Variants in NEB observed in about 807,000 individuals in gnomAD.
NEB encodes nemaline myopathy type 2.
A neutral mutation model predicts 952.2 loss-of-function variants in NEB; 512 were observed. The observed-to-expected ratio is 0.54, with a 90% CI of 0.50 to 0.58. The LOEUF (loss-of-function observed/expected upper bound fraction) is 0.58, where lower values mean the gene tolerates loss of function less well. Among genes scored for constraint, NEB ranks in the 20% least tolerant of loss-of-function variants. The pLI is 0.00. For missense variants in NEB, 8,428 were observed against 9,231.1 expected (o/e 0.91, Z 3.56); for synonymous variants, 2,900 against 3,149.8 (o/e 0.92, Z 2.66).
rs2150017776 is a variant in NEB, at chr2:151,709,682, T to A, written c.1009A>T (p.Lys337Ter). 1 of 1,601,504 alleles carries A rather than the reference T, an allele frequency of 6.2e-7. No individual in the cohort carries two copies. The highest frequency in any genetic ancestry group is 2.2e-5 in the East Asian group (1 of 44,640). The change falls in exon 12 of 182, where the codon AAA becomes TAA. Residue 337 changes from lysine to a stop codon, truncating the protein, a stop_gained. Transcript: ENST00000397345. LOFTEE classifies it high-confidence loss of function. ...QTETPEYKMN[K>*]KAGVAASKVK... ...TTGCTAGCTGCCACACCAGCTTTTT[T>A]ATTCATTTTATACTCTGGTGTTTCG... is the stretch of plus-strand genomic sequence containing the variant.
chr2:151,517,230 G>C (rs1043948205), intron 156 of NEB, among the ~76,000 whole-genome samples: 29 of 152,170 alleles, frequency 1.9e-4, no homozygotes, highest in Non-Finnish European at 8.8e-5. Flanking sequence ...TAAGAATCAG[G>C]GGAGCCACAT....
chr2:151,537,408 T>C (rs756196753), intron 140 of NEB, among the ~76,000 whole-genome samples, 172 bp from the exon 141 acceptor site: 1 of 152,246 alleles, frequency 6.6e-6, no homozygotes, highest in Non-Finnish European at 1.5e-5. Context: ...CTTTGGTATA[T>C]TGTTTTATAA....
intron 20 of NEB, 126 bp downstream of exon 20, chr2:151,694,197 G>T: frequency 1.2e-6 from 1 of 835,110 alleles, no homozygotes; most frequent in South Asian, 1.7e-5. Context: ...CCTGGGTGAA[G>T]CTTTCATGTG....
chr2:151,610,368 T>C, intron 80 of NEB, 148 bp downstream of exon 80: 1 of 714,574 alleles, frequency 1.4e-6, no homozygotes, highest in Non-Finnish European at 2.4e-6. Context: ...TTTTATTCTC[T>C]GTAACAACAA....
chr2:151,529,100 T>C, intron 146 of NEB, 110 bp downstream of exon 146: 1 of 751,958 alleles, frequency 1.3e-6, no homozygotes, highest in South Asian at 1.5e-5. Context: ...ACTCTTGCTT[T>C]GGAATCAATC....
chr2:151,708,177 T>C (rs2099724424), intron 12 of NEB, among the ~76,000 whole-genome samples: 1 of 152,028 alleles, frequency 6.6e-6, no homozygotes, highest in South Asian at 2.1e-4. Context: ...CCCTTTCTAC[T>C]GGATTCTTTC....
chr2:151,559,647 G>A (rs2095892665), intron 124 of NEB, among the ~76,000 whole-genome samples: 1 of 152,188 alleles, frequency 6.6e-6, no homozygotes, highest in South Asian at 2.1e-4. Context: ...GCAGGGACAT[G>A]GATGAAGTTT....
rs748564316 is a variant in NEB at position 151,540,776 on chromosome 2, T to C, written c.20708A>G (p.Lys6903Arg). 3 of 1,613,492 alleles carry C rather than the reference T, an allele frequency of 1.9e-6. No homozygotes were observed. Among genetic ancestry groups the C allele is most frequent in the South Asian group, 2.2e-5 (2 of 91,066 alleles). ...SQYLYVELAT[K>R]ERPHHHAGNQ... ...TCCAGCGTGATGATGGGGTCTCTCT[T>C]TGGTGGCAAGTTCAACATACAGATA... The change falls in exon 137 of 182, where the codon AAA becomes AGA. Residue 6903 changes from lysine to arginine, a missense_variant. Physicochemically the swap from Lys to Arg is conservative, Grantham distance 26. Transcript: ENST00000397345.
Position 151,684,913 on chromosome 2 carries a change from G to A in NEB, c.2700C>T (p.Leu900=), listed in dbSNP as rs2099481133. The A allele has an allele frequency of 1.2e-6, 2 of 1,613,090 alleles. No homozygotes were observed. The highest frequency in any genetic ancestry group is 2.7e-5 in the African/African-American group (2 of 74,880). ...GAGATTTCTTAGCTTGAGTGACTTG[G>A]AGCATATCAAGAGGTGCCGTGTAGA... ...KTIYTAPLDM[L]QVTQAKKSQA... Residue 900 remains leucine, a synonymous_variant, in exon 28 of 182, where the codon CTC becomes CTT. Coordinates refer to ENST00000397345, the MANE Select transcript of NEB (RefSeq NM_001164508.2).
At chr2:151,625,663 A>C in intron 70 of NEB, 25 bp from the exon 71 acceptor site, 1 of 1,494,136 alleles carries the variant, frequency 6.7e-7, no homozygotes, top group Non-Finnish European at 9.1e-7. Context: ...AAGGTTAATG[A>C]ATTAGAAAAA....
chr2:151,524,654 C>CTTTTTTTTTTTTTTTT, intron 151 of NEB, 38 bp from the exon 152 acceptor site: 2 of 255,202 alleles, frequency 7.8e-6, no homozygotes, highest in South Asian at 3.0e-5. Context: ...AAGAGAGAGG[C>CTTTTTTTTTTTTTTTT]TTTTTTTTTT....
chr2:151,565,876 C>A, intron 114 of NEB, 56 bp from the exon 115 acceptor site: 1 of 1,228,562 alleles, frequency 8.1e-7, no homozygotes, highest in Non-Finnish European at 1.2e-6. Context: ...CACAGGCTTA[C>A]AGAGGGCAGG....
At chr2:151,501,049 C>G (rs189576481) in intron 168 of NEB, among the ~76,000 whole-genome samples, 10 of 152,308 alleles carry the variant, frequency 6.6e-5, no homozygotes, top group Admixed American at 6.5e-4. Context: ...TCTTTTCTTG[C>G]ATCTCTAACC....
At position 151,612,228 on chromosome 2, in the gene NEB, C is replaced by G. The variant is rs554366790; in HGVS notation, c.11763G>C (p.Pro3921=). Residue 3921 remains proline (P), a synonymous_variant, in exon 78 of 182, where the codon CCG becomes CCC. Coordinates refer to ENST00000397345, the MANE Select transcript of NEB (RefSeq NM_001164508.2). ...QLKFTCITDT[P]EIVLAKNNAL... is the part of the protein sequence containing the mutation. ...CATTATTCTTTGCTAGGACAATTTC[C>G]GGAGTGTCGGTAATGCATGTGAATT... is the stretch of plus-strand genomic sequence containing the variant. The G allele has an allele frequency of 6.2e-7, 1 of 1,613,808 alleles. No homozygotes were observed. The highest frequency in any genetic ancestry group is 1.3e-5 in the African/African-American group (1 of 75,008).
chr2:151,601,081 ATT>A (rs1245779320), intron 88 of NEB, among the ~76,000 whole-genome samples: 3 of 103,074 alleles, frequency 2.9e-5, no homozygotes, highest in Admixed American at 2.7e-4. Context: ...CTTTGTTGAA[ATT>A]TTTTTTATTT....
chr2:151,623,319 A>G (rs2098453616), intron 71 of NEB, among the ~76,000 whole-genome samples: 1 of 152,210 alleles, frequency 6.6e-6, no homozygotes, highest in African/African-American at 2.4e-5. Flanking sequence ...GGGAAAAACT[A>G]CAAAGATTTA....
chr2:151,503,729 C>A (rs1442018680), intron 165 of NEB, among the ~76,000 whole-genome samples: 1 of 152,170 alleles, frequency 6.6e-6, no homozygotes, highest in Non-Finnish European at 1.5e-5. Flanking sequence ...AAAAATCTAA[C>A]CATTTTGTTG....
At chr2:151,622,724 A>G (rs1166300628) in intron 71 of NEB, among the ~76,000 whole-genome samples, 1 of 152,228 alleles carries the variant, frequency 6.6e-6, no homozygotes, top group Admixed American at 6.5e-5. Flanking sequence ...TATATGTATC[A>G]GACTCAGGAA....
rs775755028 is a variant in NEB at position 151,662,185 on chromosome 2, C to T, written c.5920G>A (p.Asp1974Asn). 1 of 1,613,516 alleles carries T rather than the reference C, an allele frequency of 6.2e-7. No homozygotes were observed. The highest frequency in any genetic ancestry group is 2.2e-5 in the East Asian group (1 of 44,870). ...TGGGCCAAAACCATGTTCATCGAGT[C>T]CATGAGTGTGGAATACTTCAAAGTG... ...PDTLKYSTLM[D>N]SMNMVLAQNN... The change falls in exon 46 of 182, where the codon GAC becomes AAC. Residue 1974 changes from aspartate (D) to asparagine (N), a missense_variant. Asp to Asn is a conservative substitution (Grantham distance 23). Coordinates refer to ENST00000397345, the MANE Select transcript of NEB (RefSeq NM_001164508.2).
Sources: gnomAD v4.1 joint callset for allele counts (sites outside exome capture counted in the v4.1 genomes callset) on GRCh38, gnomAD v4.1.1 for gene constraint, MANE v1.5 for transcripts, NCBI Gene and HGNC (gene_info 2026-07-23, HGNC 2026-07-21) for gene names.